AFP: variants seen among roughly 807,000 people sequenced by gnomAD.
AFP encodes alpha fetoprotein.
In AFP, 64 loss-of-function variants were observed where a neutral mutation model predicts 78.9. The ratio of observed to expected loss-of-function variants is 0.81; its 90% CI spans 0.66 to 1.00. The LOEUF is 1.00. AFP is among the 50% of genes least tolerant of loss of function. The pLI, the probability that AFP is intolerant of heterozygous loss-of-function variation, is 0.00. For missense variants in AFP, 689 were observed against 703.8 expected (o/e 0.98, Z 0.24); for synonymous variants, 254 against 243.8 (o/e 1.04, Z -0.39).
At chr4:73,452,657 A>T (rs1321688391) in intron 12 of AFP, 33 bp downstream of exon 12, 2 of 1,540,002 alleles carry the variant, frequency 1.3e-6, no homozygotes, top group Admixed American at 3.4e-5. Flanking sequence ...CATGGAAAAG[A>T]ATGACAACCC....
intron 7 of AFP, among the ~76,000 whole-genome samples, chr4:73,445,414 G>A (rs543855975): frequency 6.6e-6 from 1 of 152,090 alleles, no homozygotes; most frequent in Non-Finnish European, 1.5e-5. Flanking sequence ...TGGAGGACGG[G>A]AGGAAACTAA....
In AFP at chr4:73,442,432, T is replaced by G. The variant is rs1443214961; in HGVS notation, c.615+4T>G. On this transcript the variant is annotated splice_donor_region_variant and intron_variant, in intron 5 of 14. Coordinates refer to ENST00000395792, the MANE Select transcript of AFP (RefSeq NM_001134.3). ...AGTTGAATGCTTCCAAACAAAGGTA[T>G]CATATTTGCGTGGATATCTGAACCA... 6.2e-7 allele frequency: 1 copy of G among 1,613,962 alleles called. No homozygotes were observed. The highest frequency in any genetic ancestry group is 2.2e-5 in the East Asian group (1 of 44,856).
At chr4:73,442,719 G>C (rs1719705711) in intron 5 of AFP, among the ~76,000 whole-genome samples, 1 of 151,988 alleles carries the variant, frequency 6.6e-6, no homozygotes, top group Non-Finnish European at 1.5e-5. Context: ...AAATGGGAAG[G>C]AGTAAGTGAA....
intron 8 of AFP, among the ~76,000 whole-genome samples, chr4:73,448,868 T>A (rs1026915221): frequency 2.0e-5 from 3 of 152,160 alleles, no homozygotes. Flanking sequence ...TTGGGTATCA[T>A]CCTTTTTTCT....
intron 11 of AFP, among the ~76,000 whole-genome samples, chr4:73,451,249 G>A (rs1719983187): frequency 6.6e-6 from 1 of 152,078 alleles, no homozygotes; most frequent in Non-Finnish European, 1.5e-5. Context: ...AGGGTATAGG[G>A]TACAGCACAG....
chr4:73,447,661 A>T lies in AFP; in HGVS notation c.1043A>T (p.Asn348Ile), dbSNP rs773427420. 5.0e-6 allele frequency: 8 copies of T among 1,610,234 alleles called. No homozygotes were observed. The highest frequency in any genetic ancestry group is 1.7e-5 in the Admixed American group (1 of 59,958). ...DFNQFSSGEK[N>I]IFLASFVHEY... is the part of the protein sequence containing the mutation. Reference sequence around the variant, plus strand: ...AACCAATTTTCTTCAGGGGAAAAAAATATCTTCTTGGCAAGGTAACACACT... The same window carrying T: ...AACCAATTTTCTTCAGGGGAAAAAATTATCTTCTTGGCAAGGTAACACACT... The change falls in exon 8 of 15, where the codon AAT becomes ATT. Residue 348 changes from asparagine to isoleucine, a missense_variant. By Grantham distance (149) the Asn-to-Ile change is moderately radical (BLOSUM62 -3). Coordinates refer to ENST00000395792, the MANE Select transcript of AFP (RefSeq NM_001134.3).
chr4:73,438,079 T>A (rs575205662), intron 2 of AFP, 95 bp from the exon 3 acceptor site: 1 of 1,538,734 alleles, frequency 6.5e-7, no homozygotes, highest in South Asian at 1.2e-5. Flanking sequence ...ACAACATAAA[T>A]AGAAAACAAA....
intron 7 of AFP, among the ~76,000 whole-genome samples, chr4:73,447,060 A>G (rs1250806208): frequency 2.0e-5 from 3 of 152,142 alleles, no homozygotes; most frequent in Non-Finnish European, 4.4e-5. Context: ...AACTACGGAC[A>G]CTATTAGAGG....
chr4:73,436,988 C>A (rs1362610471), intron 1 of AFP, among the ~76,000 whole-genome samples, 172 bp from the exon 2 acceptor site: 1 of 151,906 alleles, frequency 6.6e-6, no homozygotes, highest in Non-Finnish European at 1.5e-5. Flanking sequence ...TCCTTAGTTT[C>A]CTAGTTTTCT....
chr4:73,447,628 G>A lies in AFP; in HGVS notation c.1010G>A (p.Arg337Lys), dbSNP rs1226562222. 6.2e-7 allele frequency: 1 copy of A among 1,611,820 alleles called. No individual in the cohort carries two copies. The highest frequency in any genetic ancestry group is 1.7e-5 in the Admixed American group (1 of 59,986). ...AATCTAAACAGGTTTTTAGGAGATA[G>A]AGATTTTAACCAATTTTCTTCAGGG... The part of the protein sequence containing the change: ...SPNLNRFLGD[R>K]DFNQFSSGEK... The change falls in exon 8 of 15, where the codon AGA becomes AAA. Residue 337 changes from arginine (R) to lysine (K), a missense_variant. Coordinates refer to ENST00000395792, the MANE Select transcript of AFP (RefSeq NM_001134.3).
chr4:73,448,013 A>T (rs561661893), intron 8 of AFP, among the ~76,000 whole-genome samples: 2 of 152,208 alleles, frequency 1.3e-5, no homozygotes, highest in African/African-American at 4.8e-5. Context: ...CTCAAATAGG[A>T]TATGGATATT....
At chr4:73,436,670 A>G (rs1340967276) in intron 1 of AFP, among the ~76,000 whole-genome samples, 1 of 151,688 alleles carries the variant, frequency 6.6e-6, no homozygotes, top group East Asian at 1.9e-4. Context: ...ATAAAATTTT[A>G]TATGTGAAGA....
At chr4:73,441,082 T>C (rs1489721859) in intron 4 of AFP, among the ~76,000 whole-genome samples, 1 of 152,050 alleles carries the variant, frequency 6.6e-6, no homozygotes, top group Non-Finnish European at 1.5e-5. Flanking sequence ...CTTTTTTTTT[T>C]CTTTTTACCC....
rs1258640245 is a variant in AFP at position 73,449,442 on chromosome 4, A to T, written c.1166A>T (p.Asn389Ile). The T allele has an allele frequency of 1.2e-5, 20 of 1,613,542 alleles. No individual in the cohort carries two copies. The highest frequency in any genetic ancestry group is 1.7e-5 in the Non-Finnish European group (20 of 1,179,694). The part of the protein sequence containing the change: ...ELLEKCFQTE[N>I]PLECQDKGEE... ...TTGGAGAAGTGTTTCCAGACTGAAA[A>T]CCCTCTTGAATGCCAAGATAAAGGA... The change falls in exon 9 of 15, where the codon AAC (asparagine) becomes ATC (isoleucine). Residue 389 changes from asparagine to isoleucine, a missense_variant. Physicochemically the swap from Asn to Ile is moderately radical, Grantham distance 149 (BLOSUM62 -3). Coordinates refer to ENST00000395792, the MANE Select transcript of AFP (RefSeq NM_001134.3).
At chr4:73,448,078 A>C (rs1276490793) in intron 8 of AFP, among the ~76,000 whole-genome samples, 1 of 152,164 alleles carries the variant, frequency 6.6e-6, no homozygotes, top group African/African-American at 2.4e-5. Context: ...GCATGTTAAA[A>C]AAAAAACTTT....
intron 7 of AFP, 131 bp downstream of exon 7, chr4:73,445,253 T>G: frequency 8.9e-7 from 1 of 1,122,906 alleles, no homozygotes; most frequent in Non-Finnish European, 1.3e-6. Context: ...CTCCTTAAAT[T>G]TGCAGAATTC....
chr4:73,437,261 G>T (rs749651824), intron 2 of AFP, 50 bp downstream of exon 2: 14 of 1,463,800 alleles, frequency 9.6e-6, no homozygotes, highest in East Asian at 4.6e-5. Flanking sequence ...GCAAGGATAA[G>T]TAAATACTTA....
At chr4:73,450,841 A>G in intron 11 of AFP, 88 bp downstream of exon 11, 3 of 1,603,150 alleles carry the variant, frequency 1.9e-6, no homozygotes, top group Middle Eastern at 2.2e-4. Context: ...GAAGACGGTA[A>G]AAACCAATGT....
chr4:73,442,736 C>A (rs1009267555), intron 5 of AFP, among the ~76,000 whole-genome samples: 2 of 149,256 alleles, frequency 1.3e-5, no homozygotes, highest in Admixed American at 6.8e-5. Context: ...TGAAAGAAAA[C>A]GGAGAAAAGG....
Sources: gnomAD v4.1 joint callset for allele counts (sites outside exome capture counted in the v4.1 genomes callset) on GRCh38, gnomAD v4.1.1 for gene constraint, MANE v1.5 for transcripts, NCBI Gene and HGNC (gene_info 2026-07-23, HGNC 2026-07-21) for gene names.